The following BRINP3 variants were observed in gnomAD, a reference collection of about 807,000 sequenced individuals.
BRINP3 encodes the protein BMP/retinoic acid inducible neural specific 3.
In BRINP3, 19 loss-of-function variants were observed where a neutral mutation model predicts 71.0. That is an observed-to-expected ratio of 0.27 (90% CI 0.19 to 0.39). The LOEUF (loss-of-function observed/expected upper bound fraction) is 0.39, where lower values mean the gene tolerates loss of function less well. Ranked by LOEUF, BRINP3 falls within the 10% of genes least tolerant of loss-of-function variation. The pLI is 1.00. For missense variants in BRINP3, 959 were observed against 940.8 expected, an observed-to-expected ratio of 1.02 and a Z score of -0.25; for synonymous variants, 380 against 337.7, an observed-to-expected ratio of 1.13 and a Z score of -1.37.
chr1:190,217,550 C>T (rs1056361365), intron 6 of BRINP3, among the ~76,000 whole-genome samples: 26 of 151,778 alleles, frequency 1.7e-4, no homozygotes, highest in African/African-American at 6.0e-4. Context: ...GCTATCTATA[C>T]CCTGAAATTA....
At chr1:190,308,505 G>T (rs1033643496) in intron 2 of BRINP3, among the ~76,000 whole-genome samples, 3 of 145,140 alleles carry the variant, frequency 2.1e-5, no homozygotes, top group East Asian at 2.0e-4. Flanking sequence ...GGTGGGGGAA[G>T]GGGGGAGGGA....
At position 190,307,813 on chromosome 1, in the gene BRINP3, T is replaced by G. The variant is rs1287947705; in HGVS notation, c.237-26063A>C. Among the ~76,000 whole-genome samples, 16 of 152,018 alleles carry G rather than the reference T, an allele frequency of 1.1e-4. No individual in the cohort carries two copies. In the Admixed American group the frequency reaches 1.1e-3, roughly 10 times the overall value. On this transcript the variant is annotated intron_variant, in intron 2 of 7. Transcript: ENST00000367462. ...CAAAAATAATGAACAAGCTTCCATTTCCTGCAAGATGGTGGATTGTCCTAC... is the reference window on the plus strand; with the variant it reads ...CAAAAATAATGAACAAGCTTCCATTGCCTGCAAGATGGTGGATTGTCCTAC...
chr1:190,249,142 A>G (rs1558107578), intron 4 of BRINP3, among the ~76,000 whole-genome samples: 2 of 151,790 alleles, frequency 1.3e-5, no homozygotes, highest in Non-Finnish European at 2.9e-5. Context: ...CTGGAAGACT[A>G]CTAGAGAAAA....
At chr1:190,198,915 G>A (rs148475977) in intron 6 of BRINP3, among the ~76,000 whole-genome samples, 5 of 151,980 alleles carry the variant, frequency 3.3e-5, no homozygotes, top group African/African-American at 9.7e-5. Flanking sequence ...CCTACTCTTA[G>A]CACCAATTTA....
In BRINP3 at chr1:190,098,272, G is replaced by C; in HGVS notation, c.2047C>G (p.Leu683Val). The C allele has an allele frequency of 2.5e-6, 4 of 1,614,126 alleles. No individual in the cohort carries two copies. Among genetic ancestry groups the C allele is most frequent in the South Asian group, 1.1e-5 (1 of 91,084 alleles). The change falls in exon 8 of 8, where the codon CTG (leucine) becomes GTG (valine). Residue 683 changes from leucine (L) to valine (V), a missense_variant. Physicochemically the swap from Leu to Val is conservative, Grantham distance 32 (BLOSUM62 1). Transcript: ENST00000367462. ...MHFDPEAIRD[L>V]ILQLDYPYTQ... is the part of the protein sequence containing the mutation. ...TAGGGGTAGTCCAGCTGCAAAATCA[G>C]GTCCCGAATTGCTTCAGGGTCAAAG...
Position 190,454,750 on chromosome 1 carries a change from G to A in BRINP3, c.141C>T (p.Leu47=). Residue 47 remains leucine, a synonymous_variant, in exon 2 of 8, where the codon CTC becomes CTT. Coordinates refer to ENST00000367462, the MANE Select transcript of BRINP3 (RefSeq NM_199051.3). ...GATGGAAGGGTCCCTTATCAGAGAG[G>A]AGCCAGTCGAAGGGGCTTGTGGCAT... The part of the protein sequence containing the change: ...DQHATSPFDW[L]LSDKGPFHRS... 6.2e-7 allele frequency: 1 copy of A among 1,614,118 alleles called. No individual in the cohort carries two copies. The highest frequency in any genetic ancestry group is 1.1e-5 in the South Asian group (1 of 91,072).
chr1:190,137,143 A>G (rs6703431), intron 7 of BRINP3, among the ~76,000 whole-genome samples: 8,006 of 152,086 alleles, frequency 0.053, 708 homozygotes, highest in African/African-American at 0.18. Context: ...CGAATAAAAC[A>G]TTCTGTTTTT....
chr1:190,255,915 A>G (rs1660622784), intron 4 of BRINP3, among the ~76,000 whole-genome samples: 1 of 152,068 alleles, frequency 6.6e-6, no homozygotes, highest in Non-Finnish European at 1.5e-5. Context: ...AGTGCTATAA[A>G]TTTCCCTCTA....
chr1:190,336,572 C>T lies in BRINP3; in HGVS notation c.237-54822G>A, dbSNP rs1017675116. On this transcript the variant is annotated intron_variant, in intron 2 of 7. Transcript: ENST00000367462. ...CACACACCTCTAATGAGATTTTTAA[C>T]CCAGGACAAATATCACTATGTATGT... Among the ~76,000 whole-genome samples the T allele has an allele frequency of 2.0e-5, 3 of 151,868 alleles. No individual in the cohort carries two copies. The East Asian group carries it at 5.8e-4, about 30-fold the overall frequency.
chr1:190,443,291 G>A (rs1674958471), intron 2 of BRINP3, among the ~76,000 whole-genome samples: 1 of 151,348 alleles, frequency 6.6e-6, no homozygotes, highest in Non-Finnish European at 1.5e-5. Context: ...TGTAATCCCA[G>A]TTACTCGGGA....
At chr1:190,195,345 A>G (rs529680726) in intron 6 of BRINP3, among the ~76,000 whole-genome samples, 1 of 152,100 alleles carries the variant, frequency 6.6e-6, no homozygotes, top group Admixed American at 6.6e-5. Context: ...AGAGTTTGCT[A>G]GTACTTTTGT....
At chr1:190,356,514 A>T (rs551083706) in intron 2 of BRINP3, among the ~76,000 whole-genome samples, 22 of 152,074 alleles carry the variant, frequency 1.4e-4, no homozygotes, top group African/African-American at 5.3e-4. Context: ...GTGGCTTAAA[A>T]TAAGACATTT....
chr1:190,412,636 G>C lies in BRINP3; in HGVS notation c.236+42019C>G, dbSNP rs527931206. On this transcript the variant is annotated intron_variant, in intron 2 of 7. Coordinates refer to ENST00000367462, the MANE Select transcript of BRINP3 (RefSeq NM_199051.3). ...CGCCACTACGCCCGGCTAATTTTTTGTATTTTTAGTAGAGACGGGGTTTCA... is the reference window on the plus strand; with the variant it reads ...CGCCACTACGCCCGGCTAATTTTTTCTATTTTTAGTAGAGACGGGGTTTCA... Among the ~76,000 whole-genome samples, 422 of 150,396 alleles carry C rather than the reference G, an allele frequency of 2.8e-3. 3 individuals carry two copies. The highest frequency in any genetic ancestry group is 5.1e-3 in the Non-Finnish European group (341 of 67,520).
chr1:190,112,069 C>A (rs915436773), intron 7 of BRINP3, among the ~76,000 whole-genome samples: 2 of 152,022 alleles, frequency 1.3e-5, no homozygotes, highest in African/African-American at 2.4e-5. Flanking sequence ...GGAAGTTGAG[C>A]CTATTGACCA....
intron 2 of BRINP3, among the ~76,000 whole-genome samples, chr1:190,288,093 G>C (rs1663573486): frequency 6.6e-6 from 1 of 151,814 alleles, no homozygotes; most frequent in Admixed American, 6.6e-5. Context: ...TTTGAATAAA[G>C]GAAAATATGT....
chr1:190,220,450 T>C (rs1656777923), intron 6 of BRINP3, among the ~76,000 whole-genome samples: 1 of 151,990 alleles, frequency 6.6e-6, no homozygotes, highest in African/African-American at 2.4e-5. Context: ...TGGTGACGGG[T>C]TGATGGGTGT....
chr1:190,229,584 A>G (rs909012476), intron 5 of BRINP3, among the ~76,000 whole-genome samples: 3 of 150,968 alleles, frequency 2.0e-5, no homozygotes, highest in African/African-American at 7.3e-5. Flanking sequence ...AGAGATAGTA[A>G]CTTCCTCAGG....
intron 6 of BRINP3, among the ~76,000 whole-genome samples, chr1:190,212,103 T>A (rs528842986): frequency 6.6e-6 from 1 of 152,260 alleles, no homozygotes; most frequent in African/African-American, 2.4e-5. Flanking sequence ...AAAAGTTTGT[T>A]TTATTTCCTT....
Position 190,414,654 on chromosome 1 carries a change from A to C in BRINP3, c.236+40001T>G, listed in dbSNP as rs193213611. On this transcript the variant is annotated intron_variant, in intron 2 of 7. Transcript: ENST00000367462. ...TCCCAGTTGAGTCTTTGCTCTTTTA[A>C]AGAGTTGCATCCACCAATATCCATT... Among the ~76,000 whole-genome samples the C allele has an allele frequency of 2.2e-3, 335 of 152,326 alleles. 1 individual carries two copies. The highest frequency in any genetic ancestry group is 7.6e-3 in the African/African-American group (317 of 41,574).
Sources: allele counts gnomAD v4.1 joint callset (sites outside exome capture counted in the v4.1 genomes callset), GRCh38; gene constraint gnomAD v4.1.1; transcripts MANE v1.5; gene names NCBI Gene and HGNC (gene_info 2026-07-23, HGNC 2026-07-21).